Variants in MPP7 observed in about 807,000 individuals in gnomAD.
MPP7 encodes the protein MAGUK p55 subfamily member 7.
Under a neutral mutation model 76.5 loss-of-function variants are expected in MPP7, and 60 were observed. That is an observed-to-expected ratio of 0.78 (90% CI 0.64 to 0.97). The LOEUF (loss-of-function observed/expected upper bound fraction) is 0.97. MPP7 is among the 50% of genes least tolerant of loss of function. The probability of loss-of-function intolerance (pLI) is 0.00; values close to 1 mark genes in which losing one functional copy is unlikely to be tolerated. For synonymous variants in MPP7, 237 were observed against 244.5 expected, an observed-to-expected ratio of 0.97 and a Z score of 0.29; for missense variants, 641 against 694.0, an observed-to-expected ratio of 0.92 and a Z score of 0.86.
At position 28,119,506 on chromosome 10, in the gene MPP7, T is replaced by C. The variant is rs1834761385; in HGVS notation, c.952+145A>G. On this transcript the variant is annotated intron_variant, in intron 11 of 16. Transcript: ENST00000683449. ...CATGTTAATATTCCAAATATGAATCTCATATTTGTTTGTTCCTGAGAACTG... is the reference window on the plus strand; with the variant it reads ...CATGTTAATATTCCAAATATGAATCCCATATTTGTTTGTTCCTGAGAACTG... The C allele has an allele frequency of 1.1e-5, 7 of 611,100 alleles. No individual in the cohort carries two copies. The South Asian group carries it at 1.4e-4, about 12-fold the overall frequency. The allele number at this position is 611,100 out of a possible 1,614,324, so 37.9% of individuals were successfully genotyped here.
chr10:28,323,143 G>A (rs957353589), intron 2 of MPP7, among the ~76,000 whole-genome samples: 3 of 152,028 alleles, frequency 2.0e-5, no homozygotes, highest in South Asian at 2.1e-4. Context: ...ACAATTAGCC[G>A]GGCGTGGTGG....
intron 12 of MPP7, among the ~76,000 whole-genome samples, chr10:28,073,090 C>CT (rs1852312914): frequency 6.6e-6 from 1 of 152,164 alleles, no homozygotes; most frequent in Non-Finnish European, 1.5e-5. Context: ...TTATGTTTTC[C>CT]TTATCATCTG....
At chr10:28,207,263 A>G (rs1039110251) in intron 2 of MPP7, among the ~76,000 whole-genome samples, 1 of 152,136 alleles carries the variant, frequency 6.6e-6, no homozygotes, top group Non-Finnish European at 1.5e-5. Flanking sequence ...AAAAAGCAAT[A>G]TTTTTTAATT....
At chr10:28,274,544 T>C (rs11813709) in intron 1 of MPP7, among the ~76,000 whole-genome samples, 22,681 of 152,192 alleles carry the variant, frequency 0.15, 1,791 homozygotes, top group South Asian at 0.19. Context: ...ACCAATTTTC[T>C]GATAGCCCTC....
At chr10:28,122,701 T>C (rs1834882894) in intron 8 of MPP7, among the ~76,000 whole-genome samples, 2 of 152,192 alleles carry the variant, frequency 1.3e-5, no homozygotes, top group South Asian at 4.1e-4. Flanking sequence ...ACTGCTGATT[T>C]TTCTGTAAAT....
chr10:28,254,226 G>C (rs1839713616), intron 1 of MPP7, among the ~76,000 whole-genome samples: 1 of 152,062 alleles, frequency 6.6e-6, no homozygotes, highest in Non-Finnish European at 1.5e-5. Context: ...TACAAGTTCT[G>C]AAAATCTTGC....
intron 3 of MPP7, among the ~76,000 whole-genome samples, chr10:28,159,524 A>C (rs1048485636): frequency 6.6e-6 from 1 of 152,220 alleles, no homozygotes; most frequent in African/African-American, 2.4e-5. Flanking sequence ...GCTACAAAGG[A>C]AACAGCTGAA....
intron 3 of MPP7, among the ~76,000 whole-genome samples, chr10:28,162,233 T>C (rs1363739918): frequency 1.3e-5 from 2 of 152,162 alleles, no homozygotes; most frequent in Non-Finnish European, 1.5e-5. Context: ...GTGGGAAGAA[T>C]TACCTTGAAA....
chr10:28,200,385 G>A (rs1464705429), intron 3 of MPP7, among the ~76,000 whole-genome samples: 1 of 152,172 alleles, frequency 6.6e-6, no homozygotes, highest in East Asian at 1.9e-4. Flanking sequence ...AAAACATTTA[G>A]AATAGTACAT....
intron 2 of MPP7, among the ~76,000 whole-genome samples, chr10:28,311,921 A>T (rs947108608): frequency 2.0e-5 from 3 of 152,072 alleles, no homozygotes; most frequent in Admixed American, 1.3e-4. Flanking sequence ...ATTATAAAAT[A>T]ATTTTTTAAC....
intron 6 of MPP7, among the ~76,000 whole-genome samples, chr10:28,127,476 T>C (rs572391453): frequency 6.6e-6 from 1 of 152,284 alleles, no homozygotes; most frequent in South Asian, 2.1e-4. Context: ...GGACTTATAG[T>C]TCCATGTGGC....
intron 3 of MPP7, among the ~76,000 whole-genome samples, chr10:28,177,514 T>C (rs1836915855): frequency 6.6e-6 from 1 of 152,142 alleles, no homozygotes; most frequent in Non-Finnish European, 1.5e-5. Flanking sequence ...AAGCTGTATT[T>C]CAAAATAACC....
At chr10:28,321,948 CGTGTGTGTGT>C (rs3064171) in intron 2 of MPP7, among the ~76,000 whole-genome samples, 9,493 of 143,436 alleles carry the variant, frequency 0.066, 364 homozygotes, top group Middle Eastern at 0.13. Context: ...TTTTTGTAGA[CGTGTGTGTGT>C]GTGTGTGTGT....
At chr10:28,169,867 C>T (rs1836620559) in intron 3 of MPP7, among the ~76,000 whole-genome samples, 1 of 152,158 alleles carries the variant, frequency 6.6e-6, no homozygotes, top group African/African-American at 2.4e-5. Context: ...AATCCTATCA[C>T]CTGTGAATGA....
chr10:28,086,061 T>C (rs1344585554), intron 12 of MPP7, among the ~76,000 whole-genome samples: 1 of 152,120 alleles, frequency 6.6e-6, no homozygotes, highest in African/African-American at 2.4e-5. Context: ...ACACCGCATG[T>C]TCTCACTTAT....
chr10:28,096,332 T>G (rs1033357864), intron 11 of MPP7, among the ~76,000 whole-genome samples: 2 of 152,206 alleles, frequency 1.3e-5, no homozygotes, highest in African/African-American at 4.8e-5. Context: ...TTCTAATCTC[T>G]TCTTTAAAAT....
chr10:28,190,218 T>C (rs1248194863), intron 3 of MPP7, among the ~76,000 whole-genome samples: 1 of 152,140 alleles, frequency 6.6e-6, no homozygotes, highest in Non-Finnish European at 1.5e-5. Context: ...AAGTCACTAT[T>C]ATACTTGGAA....
chr10:28,291,136 A>G (rs1840908903), intron 1 of MPP7, among the ~76,000 whole-genome samples: 1 of 152,220 alleles, frequency 6.6e-6, no homozygotes, highest in South Asian at 2.1e-4. Flanking sequence ...ACATATATAA[A>G]TTTAGTGAAC....
chr10:28,326,774 G>T (rs1834419839), intron 2 of MPP7, among the ~76,000 whole-genome samples: 1 of 152,238 alleles, frequency 6.6e-6, no homozygotes, highest in Non-Finnish European at 1.5e-5. Context: ...GTGGCAGAAA[G>T]TGCTGGGCCA....
Sources: allele counts gnomAD v4.1 joint callset (sites outside exome capture counted in the v4.1 genomes callset), GRCh38; gene constraint gnomAD v4.1.1; transcripts MANE v1.5; gene names NCBI Gene and HGNC (gene_info 2026-07-23, HGNC 2026-07-21).